TBC1D9: variants seen among roughly 807,000 people sequenced by gnomAD.
TBC1D9 encodes TBC1 domain family member 9, also known as TBC1 domain family member 9A.
A neutral mutation model predicts 132.0 loss-of-function variants in TBC1D9; 63 were observed. The observed-to-expected ratio is 0.48, with a 90% confidence interval of 0.39 to 0.59. The LOEUF is 0.59. TBC1D9 is among the 20% of genes least tolerant of loss of function. The pLI is 0.00. For missense variants in TBC1D9, 1,261 were observed against 1,592.7 expected (o/e 0.79, Z 3.54); for synonymous variants, 610 against 609.9 (o/e 1.00, Z 0.00).
chr4:140,652,244 TAA>T (rs879361102), intron 13 of TBC1D9, among the ~76,000 whole-genome samples: 39 of 94,832 alleles, frequency 4.1e-4, no homozygotes, highest in Non-Finnish European at 3.4e-4. Context: ...CTGTCTCAAA[TAA>T]AAAAAAAAAA....
intron 13 of TBC1D9, among the ~76,000 whole-genome samples, chr4:140,640,668 G>C (rs1736973062): frequency 6.6e-6 from 1 of 152,112 alleles, no homozygotes; most frequent in African/African-American, 2.4e-5. Context: ...GGGGTCCTGA[G>C]ATTTTGTTTT....
chr4:140,718,374 G>C (rs1388310323), intron 1 of TBC1D9, among the ~76,000 whole-genome samples: 2 of 151,964 alleles, frequency 1.3e-5, no homozygotes, highest in Non-Finnish European at 2.9e-5. Flanking sequence ...CTTTGCAAAA[G>C]TGTGAGGATC....
intron 9 of TBC1D9, among the ~76,000 whole-genome samples, chr4:140,666,752 GA>G (rs1316495050): frequency 2.1e-5 from 3 of 142,710 alleles, no homozygotes; most frequent in Admixed American, 2.1e-4. Context: ...AAAAACCACT[GA>G]ATTGTACACC....
intron 13 of TBC1D9, among the ~76,000 whole-genome samples, chr4:140,653,412 C>A (rs1351957222): frequency 1.3e-5 from 2 of 152,210 alleles, no homozygotes; most frequent in Non-Finnish European, 2.9e-5. Context: ...TAGCCCCATT[C>A]TGCATCCAGC....
At position 140,622,048 on chromosome 4, in the gene TBC1D9, A is replaced by G; in HGVS notation, c.*147T>C. 1.7e-6 allele frequency: 2 copies of G among 1,161,360 alleles called. No homozygotes were observed. Among genetic ancestry groups the G allele is most frequent in the South Asian group, 2.2e-5 (1 of 46,506 alleles). The allele number at this position is 1,161,360 out of a possible 1,614,324, so 71.9% of individuals were successfully genotyped here. ...TTTAAATATTTCTCCAACAGTTTTC[A>G]TTGAATTACATTATGAAAACACTAG... is the stretch of plus-strand genomic sequence containing the variant. On this transcript the variant is annotated 3_prime_UTR_variant, in exon 21 of 21. Coordinates refer to ENST00000442267, the MANE Select transcript of TBC1D9 (RefSeq NM_015130.3).
intron 1 of TBC1D9, among the ~76,000 whole-genome samples, chr4:140,737,521 A>T (rs980298481): frequency 6.6e-6 from 1 of 151,944 alleles, no homozygotes; most frequent in African/African-American, 2.4e-5. Flanking sequence ...TCTTCCCCAC[A>T]ATAAGAAACT....
chr4:140,641,090 C>CAAAAAAAA lies in TBC1D9; in HGVS notation c.2338-1670_2338-1663dup, dbSNP rs35813378. Among the ~76,000 whole-genome samples the CAAAAAAAA allele has an allele frequency of 1.5e-3, 53 of 34,992 alleles. 1 individual carries two copies. Among genetic ancestry groups the CAAAAAAAA allele is most frequent in the African/African-American group, 2.1e-3 (16 of 7,614 alleles). 23.0% of individuals were successfully genotyped at this position (34,992 alleles called of 152,430 possible). ...TAAATCTTACAATCATAATACTAAGCAAAAAAAAAAAAAACAAAAAAAAAC... is the reference window on the plus strand; with the variant it reads ...TAAATCTTACAATCATAATACTAAGCAAAAAAAAAAAAAAAAAAAAAACAAAAAAAAAC... On this transcript the variant is annotated intron_variant, in intron 13 of 20. Transcript: ENST00000442267.
At chr4:140,753,008 CACTT>C (rs971545408) in intron 1 of TBC1D9, among the ~76,000 whole-genome samples, 2 of 152,102 alleles carry the variant, frequency 1.3e-5, no homozygotes, top group African/African-American at 4.8e-5. Context: ...TGATATCTAA[CACTT>C]ACTCTTCCCT....
intron 13 of TBC1D9, among the ~76,000 whole-genome samples, chr4:140,650,639 T>C (rs1737173986): frequency 6.6e-6 from 1 of 152,172 alleles, no homozygotes; most frequent in African/African-American, 2.4e-5. Flanking sequence ...TTCAATCGAT[T>C]CTCTTGCCTC....
chr4:140,628,500 T>C (rs1736742442), intron 16 of TBC1D9, 135 bp from the exon 17 acceptor site: 4 of 773,158 alleles, frequency 5.2e-6, no homozygotes, highest in Non-Finnish European at 8.7e-6. Flanking sequence ...GGCCAGGACC[T>C]GTTTGGGTTA....
At chr4:140,638,229 A>G (rs1736910321) in intron 15 of TBC1D9, among the ~76,000 whole-genome samples, 1 of 152,232 alleles carries the variant, frequency 6.6e-6, no homozygotes, top group Admixed American at 6.5e-5. Context: ...TGAAATTGGC[A>G]CCTGCATAAA....
intron 1 of TBC1D9, among the ~76,000 whole-genome samples, chr4:140,739,793 A>T (rs1422432541): frequency 1.3e-5 from 2 of 152,234 alleles, no homozygotes; most frequent in African/African-American, 2.4e-5. Context: ...GCTTGGGGCC[A>T]GGAGTTCAAG....
At chr4:140,733,032 T>G (rs1025498364) in intron 1 of TBC1D9, among the ~76,000 whole-genome samples, 1 of 152,174 alleles carries the variant, frequency 6.6e-6, no homozygotes, top group Non-Finnish European at 1.5e-5. Context: ...GAGCTGAGTG[T>G]CAGTTTCCAT....
intron 13 of TBC1D9, chr4:140,642,003 C>A (rs61358979): frequency 1.6e-6 from 1 of 627,344 alleles, no homozygotes; most frequent in South Asian, 1.8e-5. Flanking sequence ...AGGAATGCAC[C>A]TTAGCCTCTC....
At chr4:140,642,753 A>G in intron 13 of TBC1D9, 2 of 647,010 alleles carry the variant, frequency 3.1e-6, no homozygotes, top group Non-Finnish European at 5.5e-6. Context: ...CCCAGCTCAT[A>G]GTCATCTGAT....
intron 1 of TBC1D9, among the ~76,000 whole-genome samples, chr4:140,745,121 T>C (rs1399955331): frequency 2.0e-5 from 3 of 152,250 alleles, no homozygotes; most frequent in African/African-American, 7.2e-5. Flanking sequence ...AATTACACCT[T>C]ACATATACTG....
chr4:140,695,009 T>G (rs1737932045), intron 2 of TBC1D9, among the ~76,000 whole-genome samples: 2 of 152,216 alleles, frequency 1.3e-5, no homozygotes, highest in Admixed American at 1.3e-4. Flanking sequence ...CCTATCAACT[T>G]TCACATTACG....
intron 13 of TBC1D9, among the ~76,000 whole-genome samples, chr4:140,649,539 G>A (rs141863450): frequency 6.6e-6 from 1 of 152,320 alleles, no homozygotes; most frequent in Non-Finnish European, 1.5e-5. Context: ...GGAATGTGAG[G>A]CTTTAGGTAT....
chr4:140,697,934 C>T (rs139206891), intron 2 of TBC1D9, among the ~76,000 whole-genome samples: 8 of 152,228 alleles, frequency 5.3e-5, no homozygotes, highest in African/African-American at 1.9e-4. Context: ...AGACCTGCTG[C>T]CTGCAAAGGA....
Sources: allele counts gnomAD v4.1 joint callset (sites outside exome capture counted in the v4.1 genomes callset), GRCh38; gene constraint gnomAD v4.1.1; transcripts MANE v1.5; gene names NCBI Gene and HGNC (gene_info 2026-07-23, HGNC 2026-07-21).